GRAMD1C: variants seen among roughly 807,000 people sequenced by gnomAD.
The protein encoded by GRAMD1C is GRAM domain containing 1C, also known as protein Aster-C.
GRAMD1C carries 89 observed loss-of-function variants against 97.8 expected under a neutral mutation model. That is an observed-to-expected ratio of 0.91 (90% CI 0.77 to 1.09). GRAMD1C has a LOEUF of 1.09. Among genes scored for constraint, GRAMD1C ranks in the 50% least tolerant of loss-of-function variants. GRAMD1C has a pLI of 0.00. For missense variants in GRAMD1C, 740 were observed against 766.4 expected (o/e 0.97, Z 0.41); for synonymous variants, 256 against 267.0 (o/e 0.96, Z 0.40).
At chr3:113,876,333 G>T in intron 5 of GRAMD1C, 73 bp downstream of exon 5, 2 of 759,228 alleles carry the variant, frequency 2.6e-6, no homozygotes, top group South Asian at 1.7e-5. Flanking sequence ...ATCAATGTTG[G>T]GAAATTAGGC....
In GRAMD1C at chr3:113,880,091, C is replaced by G. The variant is rs183705523; in HGVS notation, c.460-2661C>G. ...TCCTAGTGTGGATGCCTACTTTTCT[C>G]TTTTCCACCAATAGCTTTAGGGCTG... On this transcript the variant is annotated intron_variant, in intron 5 of 17. Coordinates refer to ENST00000358160, the MANE Select transcript of GRAMD1C (RefSeq NM_017577.5). Among the ~76,000 whole-genome samples the G allele has an allele frequency of 3.5e-3, 531 of 152,258 alleles. 4 individuals carry two copies. Among genetic ancestry groups the G allele is most frequent in the African/African-American group, 0.012 (480 of 41,556 alleles).
At chr3:113,890,974 T>A (rs543129944) in intron 6 of GRAMD1C, 3 of 502,568 alleles carry the variant, frequency 6.0e-6, no homozygotes, top group Non-Finnish European at 1.1e-5. Context: ...AATTTACCCT[T>A]CTTTGAAAAG....
chr3:113,904,612 T>A (rs1317890835), intron 8 of GRAMD1C, among the ~76,000 whole-genome samples: 1 of 80,578 alleles, frequency 1.2e-5, no homozygotes, highest in East Asian at 5.8e-4. Context: ...AAGAATCTGT[T>A]TTTTTTTTTT....
chr3:113,838,876 G>T lies in GRAMD1C; in HGVS notation c.-34G>T. The T allele has an allele frequency of 8.1e-7, 1 of 1,228,280 alleles. No homozygotes were observed. The highest frequency in any genetic ancestry group is 1.0e-6 in the Non-Finnish European group (1 of 983,896). The allele number at this position is 1,228,280 out of a possible 1,614,324, so 76.1% of individuals were successfully genotyped here. On this transcript the variant is annotated 5_prime_UTR_variant, in exon 1 of 18. Transcript: ENST00000358160. ...CGCGGGGCGGTGCGGTGCGGTGCGC[G>T]CGGGGCGGTGCCGCGGCGGCGGAGG...
chr3:113,932,091 C>G (rs1054352155), intron 11 of GRAMD1C, among the ~76,000 whole-genome samples: 2 of 152,118 alleles, frequency 1.3e-5, no homozygotes, highest in African/African-American at 4.8e-5. Flanking sequence ...ATTTAATGCT[C>G]TTTATCTGTG....
Position 113,933,461 on chromosome 3 carries a change from T to C in GRAMD1C, c.1210-50T>C, listed in dbSNP as rs372436266. The C allele has an allele frequency of 3.8e-6, 5 of 1,309,998 alleles. No individual in the cohort carries two copies. The Admixed American group carries it at 7.2e-5, about 19-fold the overall frequency. 81.1% of individuals were successfully genotyped at this position (1,309,998 alleles called of 1,614,324 possible). Reference sequence around the variant, plus strand: ...TACATGTTCTAAATTGGCAAGAAGATTCATATATTAAGCATATACATACAA... The same window carrying C: ...TACATGTTCTAAATTGGCAAGAAGACTCATATATTAAGCATATACATACAA... On this transcript the variant is annotated intron_variant, in intron 11 of 17. Transcript: ENST00000358160.
chr3:113,878,743 G>A (rs770049308), intron 5 of GRAMD1C, among the ~76,000 whole-genome samples: 13 of 152,060 alleles, frequency 8.5e-5, no homozygotes, highest in Non-Finnish European at 1.9e-4. Context: ...TGAGAAACCA[G>A]GCTCCCATTA....
intron 2 of GRAMD1C, among the ~76,000 whole-genome samples, chr3:113,858,022 G>A (rs140321022): frequency 5.9e-5 from 9 of 152,066 alleles, no homozygotes; most frequent in African/African-American, 1.2e-4. Context: ...AATGAATTGC[G>A]AAGTGCTCCC....
chr3:113,841,285 C>CTTTTTT (rs772233296), intron 1 of GRAMD1C, among the ~76,000 whole-genome samples: 25,884 of 94,064 alleles, frequency 0.28, 5,886 homozygotes, highest in Admixed American at 0.35. Flanking sequence ...TTCTTTCTTT[C>CTTTTTT]TTTTTTTTTT....
intron 6 of GRAMD1C, among the ~76,000 whole-genome samples, chr3:113,896,965 C>T (rs1211092922): frequency 6.6e-6 from 1 of 152,150 alleles, no homozygotes. Context: ...ATTCTAAATA[C>T]ACCAAAGTCA....
chr3:113,866,442 G>A (rs947443822), intron 2 of GRAMD1C, among the ~76,000 whole-genome samples: 13 of 151,958 alleles, frequency 8.6e-5, no homozygotes, highest in African/African-American at 2.7e-4. Flanking sequence ...TAACTAAGGT[G>A]TGTGTCTCTT....
At position 113,875,589 on chromosome 3, in the gene GRAMD1C, T is replaced by C; in HGVS notation, c.363+2T>C. ...AACATCTTCAGATGGGAAACTACAGTAAGACATTTTGCATTTGATTTGTTG... is the reference window on the plus strand; with the variant it reads ...AACATCTTCAGATGGGAAACTACAGCAAGACATTTTGCATTTGATTTGTTG... On this transcript the variant is annotated splice_donor_variant, in intron 4 of 17. Coordinates refer to ENST00000358160, the MANE Select transcript of GRAMD1C (RefSeq NM_017577.5). LOFTEE classifies it high-confidence loss of function. 8.2e-7 allele frequency: 1 copy of C among 1,220,386 alleles called. No homozygotes were observed. The allele number at this position is 1,220,386 out of a possible 1,614,324, so 75.6% of individuals were successfully genotyped here. A position where few individuals can be genotyped will look rare whatever the true frequency, so the allele number is the denominator to read the frequency against.
At chr3:113,929,059 C>T (rs1035369066) in intron 10 of GRAMD1C, among the ~76,000 whole-genome samples, 1 of 152,194 alleles carries the variant, frequency 6.6e-6, no homozygotes, top group Non-Finnish European at 1.5e-5. Flanking sequence ...ATTTTCCATA[C>T]TGGCTGTATC....
chr3:113,876,939 T>A (rs1444340152), intron 5 of GRAMD1C, among the ~76,000 whole-genome samples: 4 of 151,980 alleles, frequency 2.6e-5, no homozygotes, highest in African/African-American at 9.7e-5. Flanking sequence ...GAGAGAGAAT[T>A]AGTACCATGA....
Position 113,908,975 on chromosome 3 carries a change from G to A in GRAMD1C, c.807G>A (p.Glu269=). The A allele has an allele frequency of 6.4e-7, 1 of 1,573,540 alleles. No homozygotes were observed. The highest frequency in any genetic ancestry group is 8.6e-7 in the Non-Finnish European group (1 of 1,165,544). ...CCTTTTAGGGATTAGGCAAAGAGGA[G>A]TCCCAAAATGAGAAACAGACCAAAA... ...NSSKGGLGKE[E]SQNEKQTKKS... The change falls in exon 9 of 18, where the codon GAG becomes GAA. Residue 269 remains glutamate (E), a synonymous_variant. Coordinates refer to ENST00000358160, the MANE Select transcript of GRAMD1C (RefSeq NM_017577.5).
At chr3:113,883,524 CAA>C (rs1374405481) in intron 6 of GRAMD1C, among the ~76,000 whole-genome samples, 12 of 69,748 alleles carry the variant, frequency 1.7e-4, no homozygotes, top group Non-Finnish European at 1.8e-4. Context: ...GATCCTGTTT[CAA>C]AAAAAAAAAA....
chr3:113,902,047 T>A (rs1278208696), intron 7 of GRAMD1C, among the ~76,000 whole-genome samples: 7 of 152,216 alleles, frequency 4.6e-5, no homozygotes, highest in Admixed American at 2.0e-4. Flanking sequence ...TAGTTAGTGG[T>A]GATGGTTGCC....
chr3:113,914,769 T>A (rs1936740584), intron 9 of GRAMD1C, among the ~76,000 whole-genome samples: 2 of 152,104 alleles, frequency 1.3e-5, no homozygotes, highest in Admixed American at 1.3e-4. Context: ...GCTCTGGAGC[T>A]GGAGTGGGTT....
At chr3:113,918,792 C>T (rs1024825919) in intron 10 of GRAMD1C, among the ~76,000 whole-genome samples, 1 of 152,294 alleles carries the variant, frequency 6.6e-6, no homozygotes, top group South Asian at 2.1e-4. Context: ...ACCTCCTGGG[C>T]TCAAGTGATC....
Sources: gnomAD v4.1 joint callset for allele counts (sites outside exome capture counted in the v4.1 genomes callset) on GRCh38, gnomAD v4.1.1 for gene constraint, MANE v1.5 for transcripts, NCBI Gene and HGNC (gene_info 2026-07-23, HGNC 2026-07-21) for gene names.